The following PALLD variants were observed in gnomAD, a reference collection of about 807,000 sequenced individuals.
PALLD encodes the protein palladin, cytoskeletal associated protein, also known as palladin.
PALLD carries 61 observed loss-of-function variants against 123.5 expected under a neutral mutation model. The ratio of observed to expected loss-of-function variants is 0.49; its 90% CI spans 0.40 to 0.61. PALLD has a LOEUF of 0.61. Among genes scored for constraint, PALLD ranks in the 20% least tolerant of loss-of-function variants. The pLI is 0.00. For synonymous variants in PALLD, 465 were observed against 496.4 expected, an observed-to-expected ratio of 0.94 and a Z score of 0.84; for missense variants, 1,273 against 1,377.0, an observed-to-expected ratio of 0.92 and a Z score of 1.20.
Position 168,759,205 on chromosome 4 carries a change from ATATATATATATATATATAT to A in PALLD, c.1964+47283_1964+47301del, listed in dbSNP as rs1561490663. ...AAAAAAAAAAAAAAAAAAAAAAAATATATATATATATATATATATATATATATATATATATATATAGAAA... is the reference window on the plus strand; with the variant it reads ...AAAAAAAAAAAAAAAAAAAAAAAATAATATATATATATATATATATAGAAA... On this transcript the variant is annotated intron_variant, in intron 10 of 21. Coordinates refer to ENST00000505667, the MANE Select transcript of PALLD (RefSeq NM_001166108.2). Among the ~76,000 whole-genome samples, 177 of 45,244 alleles carry A rather than the reference ATATATATATATATATATAT, an allele frequency of 3.9e-3. 34 individuals carry two copies. The highest frequency in any genetic ancestry group is 0.022 in the African/African-American group (164 of 7,292). 29.7% of individuals were successfully genotyped at this position (45,244 alleles called of 152,430 possible).
At chr4:168,884,551 G>A (rs1500796) in intron 10 of PALLD, among the ~76,000 whole-genome samples, 5,595 of 152,210 alleles carry the variant, frequency 0.037, 147 homozygotes, top group Non-Finnish European at 0.055. Flanking sequence ...CTTTCATTGC[G>A]TTTACCACCT....
intron 10 of PALLD, among the ~76,000 whole-genome samples, chr4:168,808,761 C>T (rs1002530389): frequency 6.6e-6 from 1 of 152,160 alleles, no homozygotes; most frequent in Non-Finnish European, 1.5e-5. Flanking sequence ...CGAGTTTCCC[C>T]TCATCAAACC....
intron 10 of PALLD, chr4:168,843,957 G>A (rs1012236836): frequency 7.9e-5 from 12 of 152,170 alleles, no homozygotes; most frequent in African/African-American, 2.7e-4. Context: ...CAGCTTTATA[G>A]CATATCTACT....
chr4:168,599,770 G>C (rs1210074265), intron 2 of PALLD, among the ~76,000 whole-genome samples: 1 of 152,090 alleles, frequency 6.6e-6, no homozygotes, highest in Non-Finnish European at 1.5e-5. Context: ...GCCAGAACCT[G>C]TGTCTATAGA....
chr4:168,664,285 T>C (rs1281089270), intron 2 of PALLD, among the ~76,000 whole-genome samples: 1 of 152,168 alleles, frequency 6.6e-6, no homozygotes, highest in Non-Finnish European at 1.5e-5. Flanking sequence ...ATGATGAGTT[T>C]AAGGCTAAAG....
chr4:168,758,647 G>A (rs1006296870), intron 10 of PALLD, among the ~76,000 whole-genome samples: 18 of 151,884 alleles, frequency 1.2e-4, no homozygotes, highest in African/African-American at 4.1e-4. Flanking sequence ...CTTTTTTGAG[G>A]TTAGTCCAAA....
intron 10 of PALLD, among the ~76,000 whole-genome samples, chr4:168,793,440 G>T (rs1331972346): frequency 6.6e-6 from 1 of 151,432 alleles, no homozygotes; most frequent in Non-Finnish European, 1.5e-5. Context: ...TGCTTTACCT[G>T]AATACTAGTT....
At chr4:168,879,353 T>TA (rs1752301907) in intron 10 of PALLD, among the ~76,000 whole-genome samples, 1 of 152,180 alleles carries the variant, frequency 6.6e-6, no homozygotes, top group South Asian at 2.1e-4. Flanking sequence ...TGCTAGTACT[T>TA]ACTCATTTTA....
At chr4:168,727,890 G>C (rs1786755011) in intron 10 of PALLD, among the ~76,000 whole-genome samples, 1 of 146,284 alleles carries the variant, frequency 6.8e-6, no homozygotes. Context: ...TTTGTATATG[G>C]TGAAAGGTAA....
At chr4:168,708,270 GTCA>G (rs150158110) in intron 8 of PALLD, among the ~76,000 whole-genome samples, 3 of 151,886 alleles carry the variant, frequency 2.0e-5, no homozygotes, top group Non-Finnish European at 2.9e-5. Flanking sequence ...TCTTGTTATC[GTCA>G]TCATCATCAT....
chr4:168,624,034 CAT>C (rs1775009675), intron 2 of PALLD, among the ~76,000 whole-genome samples: 1 of 152,014 alleles, frequency 6.6e-6, no homozygotes, highest in Non-Finnish European at 1.5e-5. Flanking sequence ...GGTCAGGAAA[CAT>C]ATATGAAAAT....
chr4:168,741,176 G>C (rs1048108471), intron 10 of PALLD, among the ~76,000 whole-genome samples: 1 of 152,072 alleles, frequency 6.6e-6, no homozygotes, highest in South Asian at 2.1e-4. Flanking sequence ...TATCCAGTTG[G>C]TACTGCTGTC....
At chr4:168,558,836 T>C (rs1393623981) in intron 2 of PALLD, among the ~76,000 whole-genome samples, 1 of 152,184 alleles carries the variant, frequency 6.6e-6, no homozygotes, top group African/African-American at 2.4e-5. Flanking sequence ...ACAAAGGAAA[T>C]ACCAAAGGAA....
intron 10 of PALLD, among the ~76,000 whole-genome samples, chr4:168,761,645 G>GTTTTTTTTTTTTTGTTT (rs1732878013): frequency 1.1e-5 from 1 of 88,024 alleles, no homozygotes; most frequent in African/African-American, 4.1e-5. Flanking sequence ...GTTGTTGTTT[G>GTTTTTTTTTTTTTGTTT]TTTTTTTTTT....
intron 10 of PALLD, among the ~76,000 whole-genome samples, chr4:168,849,336 A>C (rs1002983332): frequency 2.6e-5 from 4 of 152,228 alleles, no homozygotes; most frequent in African/African-American, 9.7e-5. Context: ...TTTTTGAAAA[A>C]GCCAGATCAG....
intron 2 of PALLD, among the ~76,000 whole-genome samples, chr4:168,654,398 A>G (rs1778355328): frequency 6.6e-6 from 1 of 152,208 alleles, no homozygotes; most frequent in African/African-American, 2.4e-5. Context: ...ACAGGATATA[A>G]GCACAAAATG....
intron 10 of PALLD, among the ~76,000 whole-genome samples, chr4:168,802,067 C>T (rs995561625): frequency 9.9e-5 from 15 of 152,178 alleles, no homozygotes; most frequent in African/African-American, 3.1e-4. Context: ...TTTGTTTGTG[C>T]ACTCATCATT....
chr4:168,629,079 C>T (rs996746738), intron 2 of PALLD, among the ~76,000 whole-genome samples: 2 of 150,524 alleles, frequency 1.3e-5, no homozygotes, highest in African/African-American at 4.9e-5. Context: ...TATAATGACG[C>T]GATCTCAGCT....
intron 10 of PALLD, among the ~76,000 whole-genome samples, chr4:168,782,080 G>A (rs1736005535): frequency 6.6e-6 from 1 of 152,182 alleles, no homozygotes; most frequent in South Asian, 2.1e-4. Flanking sequence ...CCACTGGCAT[G>A]GAAAATCTGG....
Sources: allele counts gnomAD v4.1 joint callset (sites outside exome capture counted in the v4.1 genomes callset), GRCh38; gene constraint gnomAD v4.1.1; transcripts MANE v1.5; gene names NCBI Gene and HGNC (gene_info 2026-07-23, HGNC 2026-07-21).